Variants in ATXN2 observed in about 807,000 individuals in gnomAD.
ATXN2 encodes the protein ataxin-2.
Under a neutral mutation model 138.6 loss-of-function variants are expected in ATXN2, and 37 were observed. That is an observed-to-expected ratio of 0.27 (90% CI 0.21 to 0.35). The LOEUF is 0.35. Ranked by LOEUF, ATXN2 falls within the 10% of genes least tolerant of loss-of-function variation. ATXN2 has a pLI of 1.00. For missense variants in ATXN2, 1,216 were observed against 1,480.3 expected, an observed-to-expected ratio of 0.82 and a Z score of 2.93; for synonymous variants, 549 against 543.7, an observed-to-expected ratio of 1.01 and a Z score of -0.13.
chr12:111,502,010 G>T (rs1445337565), intron 14 of ATXN2, among the ~76,000 whole-genome samples: 1 of 152,040 alleles, frequency 6.6e-6, no homozygotes, highest in Middle Eastern at 3.4e-3. Context: ...TCCCACCTCA[G>T]CCTCCTGAGT....
At chr12:111,588,620 T>C (rs1314545290) in intron 1 of ATXN2, among the ~76,000 whole-genome samples, 1 of 147,308 alleles carries the variant, frequency 6.8e-6, no homozygotes, top group Non-Finnish European at 1.5e-5. Context: ...AGACTCCGTC[T>C]CGGAAAAAAA....
intron 1 of ATXN2, among the ~76,000 whole-genome samples, chr12:111,577,952 T>C (rs745785781): frequency 2.1e-4 from 32 of 152,154 alleles, no homozygotes; most frequent in Non-Finnish European, 3.5e-4. Context: ...TCCCAGCACT[T>C]TGGGAGGCCA....
chr12:111,486,772 A>T lies in ATXN2; in HGVS notation c.2293T>A (p.Ser765Thr). 1.2e-6 allele frequency: 2 copies of T among 1,612,154 alleles called. No homozygotes were observed. The highest frequency in any genetic ancestry group is 4.5e-5 in the East Asian group (2 of 44,840). The stretch of plus-strand genomic sequence containing the variant: ...AGTAATAAACCTACCTGAGAGAAGG[A>T]ACGTGGGTTGAACTCCTTTGCATTG... ...NPNAKEFNPRSFSQPKPSTTP... is the reference protein window; with the variant it reads ...NPNAKEFNPRTFSQPKPSTTP... The change falls in exon 16 of 25, where the codon TCC becomes ACC. Residue 765 changes from serine (S) to threonine (T), a missense_variant. This residue lies in a region of ATXN2 where 490 missense variants were observed against 653.5 expected (regional missense o/e 0.75). Transcript: ENST00000673436.
intron 18 of ATXN2, among the ~76,000 whole-genome samples, chr12:111,472,277 A>C (rs1876472128): frequency 6.6e-6 from 1 of 152,086 alleles, no homozygotes; most frequent in African/African-American, 2.4e-5. Context: ...AAAAAAGGGG[A>C]GGGTAGGGGA....
Position 111,509,622 on chromosome 12 carries a change from G to A in ATXN2, c.1865-3C>T. ...TTCAGAAACAACTGGTGATATACCTGTAAAATTAAGAACTGTTAAGACACA... is the reference window on the plus strand; with the variant it reads ...TTCAGAAACAACTGGTGATATACCTATAAAATTAAGAACTGTTAAGACACA... On this transcript the variant is annotated splice_polypyrimidine_tract_variant and splice_region_variant and intron_variant, in intron 13 of 24. Coordinates refer to ENST00000673436, the MANE Select transcript of ATXN2 (RefSeq NM_001372574.1). The A allele has an allele frequency of 6.8e-7, 1 of 1,467,936 alleles. No homozygotes were observed. Among genetic ancestry groups the A allele is most frequent in the East Asian group, 2.3e-5 (1 of 42,852 alleles). 90.9% of individuals were successfully genotyped at this position (1,467,936 alleles called of 1,614,324 possible).
At chr12:111,587,905 T>C (rs898913613) in intron 1 of ATXN2, among the ~76,000 whole-genome samples, 2 of 152,078 alleles carry the variant, frequency 1.3e-5, no homozygotes, top group South Asian at 2.1e-4. Flanking sequence ...GAAACTGACA[T>C]TTTCGGGCTG....
intron 6 of ATXN2, among the ~76,000 whole-genome samples, chr12:111,521,931 AT>A (rs1311518079): frequency 6.6e-6 from 1 of 152,222 alleles, no homozygotes. Context: ...CTGGATAATT[AT>A]TCTCTAATGT....
chr12:111,558,423 T>G (rs748724603), intron 1 of ATXN2, among the ~76,000 whole-genome samples: 50 of 152,218 alleles, frequency 3.3e-4, no homozygotes, highest in Admixed American at 7.2e-4. Context: ...AACAAAACAC[T>G]AATATCCAGG....
At chr12:111,554,091 T>A (rs1298707859) in intron 3 of ATXN2, 67 bp downstream of exon 3, 1 of 1,081,052 alleles carries the variant, frequency 9.3e-7, no homozygotes. Context: ...TTATCCACAT[T>A]TTAACTTCAT....
chr12:111,475,476 C>T (rs1352528530), intron 18 of ATXN2, among the ~76,000 whole-genome samples: 2 of 140,072 alleles, frequency 1.4e-5, no homozygotes, highest in African/African-American at 2.6e-5. Flanking sequence ...AAAGATTTAT[C>T]TTTTCTGTTT....
intron 5 of ATXN2, among the ~76,000 whole-genome samples, chr12:111,549,643 G>A (rs937136021): frequency 6.6e-6 from 1 of 152,120 alleles, no homozygotes; most frequent in Non-Finnish European, 1.5e-5. Flanking sequence ...TATAGAAGAG[G>A]GCAATTTCTG....
At chr12:111,463,244 C>T (rs1458671039) in intron 21 of ATXN2, among the ~76,000 whole-genome samples, 1 of 152,164 alleles carries the variant, frequency 6.6e-6, no homozygotes, top group East Asian at 1.9e-4. Flanking sequence ...AGGATTTCTA[C>T]AAATATTAGT....
At chr12:111,477,819 G>A (rs1201056019) in intron 18 of ATXN2, among the ~76,000 whole-genome samples, 2 of 151,936 alleles carry the variant, frequency 1.3e-5, no homozygotes, top group Non-Finnish European at 2.9e-5. Context: ...GTGCAGTAGT[G>A]CAATCTCAGC....
chr12:111,521,450 G>A (rs574687613), intron 6 of ATXN2, among the ~76,000 whole-genome samples: 2 of 152,278 alleles, frequency 1.3e-5, no homozygotes, highest in East Asian at 3.9e-4. Context: ...GAGAAAGAAG[G>A]GAGAAGCCAA....
intron 20 of ATXN2, among the ~76,000 whole-genome samples, chr12:111,467,516 CACA>C (rs1245545378): frequency 1.3e-5 from 2 of 151,868 alleles, no homozygotes; most frequent in Non-Finnish European, 2.9e-5. Flanking sequence ...TAGTGACAAT[CACA>C]ACAAGTCCAC....
At chr12:111,473,778 A>C (rs62998261) in intron 18 of ATXN2, among the ~76,000 whole-genome samples, 4 of 145,904 alleles carry the variant, frequency 2.7e-5, no homozygotes, top group Non-Finnish European at 4.5e-5. Flanking sequence ...AAAAAAAAAA[A>C]CCCAATCTGA....
In ATXN2 at chr12:111,456,034, G is replaced by A. The variant is rs1875061770; in HGVS notation, c.3265C>T (p.Pro1089Ser). The A allele has an allele frequency of 1.9e-6, 3 of 1,613,930 alleles. No homozygotes were observed. Among genetic ancestry groups the A allele is most frequent in the East Asian group, 2.2e-5 (1 of 44,898 alleles). ...TTGGCTAAAGCTGGTATTACCTGAG[G>A]TACGTGGGCCATGTGGGGTGGGTTG... The part of the protein sequence containing the change: ...YTNPPHMAHV[P>S]QAHVQSGMVP... Residue 1089 changes from proline to serine, a missense_variant, in exon 23 of 25, where the codon CCT (proline) becomes TCT (serine). Coordinates refer to ENST00000673436, the MANE Select transcript of ATXN2 (RefSeq NM_001372574.1).
intron 5 of ATXN2, among the ~76,000 whole-genome samples, chr12:111,538,986 G>A (rs918929288): frequency 2.0e-5 from 3 of 150,042 alleles, no homozygotes; most frequent in African/African-American, 7.3e-5. Context: ...TTCCACGTAC[G>A]TAATACTAGA....
intron 20 of ATXN2, chr12:111,469,826 G>T: frequency 2.4e-6 from 1 of 414,730 alleles, no homozygotes; most frequent in Admixed American, 4.0e-5. Context: ...TGATGAGGAA[G>T]AGGAGAAAGG....
Sources: allele counts gnomAD v4.1 joint callset (sites outside exome capture counted in the v4.1 genomes callset), GRCh38; gene constraint gnomAD v4.1.1; regional missense constraint gnomAD v4.1.1; transcripts MANE v1.5; gene names NCBI Gene and HGNC (gene_info 2026-07-23, HGNC 2026-07-21).